The following IL15 variants were observed in gnomAD, a reference collection of about 807,000 sequenced individuals.
IL15 encodes interleukin-15.
In IL15, 11 loss-of-function variants were observed where a neutral mutation model predicts 19.6. The observed-to-expected ratio is 0.56, with a 90% CI of 0.35 to 0.93. IL15 has a LOEUF of 0.93. Ranked by LOEUF, IL15 falls within the 40% of genes least tolerant of loss-of-function variation. IL15 has a pLI of 0.01. For missense variants in IL15, 197 were observed against 186.5 expected (o/e 1.06, Z -0.33); for synonymous variants, 58 against 59.6 (o/e 0.97, Z 0.12).
intron 1 of IL15, among the ~76,000 whole-genome samples, chr4:141,653,314 A>C (rs1167373660): frequency 6.6e-6 from 1 of 152,036 alleles, no homozygotes; most frequent in Non-Finnish European, 1.5e-5. Flanking sequence ...TTTTTCCCAA[A>C]TTTTCTTCAT....
intron 5 of IL15, among the ~76,000 whole-genome samples, chr4:141,725,509 G>A (rs1270112701): frequency 1.3e-5 from 2 of 152,264 alleles, no homozygotes; most frequent in African/African-American, 2.4e-5. Context: ...CCTGATTTCA[G>A]ACCTCTAGCC....
In IL15 at chr4:141,680,641, G is replaced by T. The variant is rs576121467; in HGVS notation, c.-100+24334G>T. ...TGTGCTTGCCTTTTGTATTTGGCAA[G>T]TGCAGCTCTGAGTTAAAACAAACAC... On this transcript the variant is annotated intron_variant, in intron 2 of 7. Coordinates refer to ENST00000320650, the MANE Select transcript of IL15 (RefSeq NM_000585.5). Among the ~76,000 whole-genome samples, 5 of 152,316 alleles carry T rather than the reference G, an allele frequency of 3.3e-5. No homozygotes were observed. In the South Asian group the frequency reaches 8.3e-4, roughly 25 times the overall value.
At chr4:141,716,602 C>T (rs992772222) in intron 2 of IL15, 1 of 152,312 alleles carries the variant, frequency 6.6e-6, no homozygotes, top group Admixed American at 6.5e-5. Context: ...GGTAGAACCA[C>T]CACAGAGAGC....
intron 1 of IL15, among the ~76,000 whole-genome samples, chr4:141,638,749 C>T (rs542052230): frequency 1.3e-5 from 2 of 152,248 alleles, no homozygotes; most frequent in Non-Finnish European, 2.9e-5. Context: ...GATTTGCTGC[C>T]TCTGATGAAT....
Position 141,733,105 on chromosome 4 carries a change from G to A in IL15, c.*257G>A. ...TATTATTGAAATTGTACATATTTGT[G>A]GAATAATGTAAAATGTTGAATAAAA... On this transcript the variant is annotated 3_prime_UTR_variant, in exon 8 of 8. Coordinates refer to ENST00000320650, the MANE Select transcript of IL15 (RefSeq NM_000585.5). The A allele has an allele frequency of 3.1e-6, 1 of 321,968 alleles. No homozygotes were observed. The highest frequency in any genetic ancestry group is 7.2e-5 in the East Asian group (1 of 13,952). The allele number at this position is 321,968 out of a possible 1,614,324, so 19.9% of individuals were successfully genotyped here. A position where few individuals can be genotyped will look rare whatever the true frequency, so the allele number is the denominator to read the frequency against.
chr4:141,720,708 CAGAGATTT>C, intron 4 of IL15, 142 bp downstream of exon 4: 1 of 668,022 alleles, frequency 1.5e-6, no homozygotes, highest in Non-Finnish European at 2.7e-6. Context: ...AGGCAGACTA[CAGAGATTT>C]AGAGAGGTTT....
chr4:141,656,436 T>A, intron 2 of IL15, 129 bp downstream of exon 2: 1 of 392,182 alleles, frequency 2.5e-6, no homozygotes, highest in Non-Finnish European at 4.5e-6. Flanking sequence ...ATGAGCATCT[T>A]GGTTTAAAAA....
rs190989816 is a variant in IL15, at chr4:141,664,156, G to A, written c.-100+7849G>A. Among the ~76,000 whole-genome samples, 152 of 152,158 alleles carry A rather than the reference G, an allele frequency of 1.0e-3. 1 individual carries two copies. Among genetic ancestry groups the A allele is most frequent in the African/African-American group, 3.3e-3 (136 of 41,510 alleles). On this transcript the variant is annotated intron_variant, in intron 2 of 7. Transcript: ENST00000320650. ...TTTAGCCAACAAAGCAGATACAAGA[G>A]ACAAATGAAGTCTTAAGCTCTAAGA...
intron 5 of IL15, among the ~76,000 whole-genome samples, chr4:141,724,506 A>G (rs113321807): frequency 6.6e-6 from 1 of 150,464 alleles, no homozygotes; most frequent in Non-Finnish European, 1.5e-5. Context: ...CAAGAAAACA[A>G]TAGAAAAAAT....
chr4:141,694,581 A>G (rs1729030667), intron 2 of IL15, among the ~76,000 whole-genome samples: 1 of 152,170 alleles, frequency 6.6e-6, no homozygotes, highest in East Asian at 1.9e-4. Context: ...AATAGAAATA[A>G]CTGGAGAAGC....
chr4:141,721,759 T>A (rs1730089291), intron 4 of IL15, 165 bp from the exon 5 acceptor site: 1 of 650,504 alleles, frequency 1.5e-6, no homozygotes, highest in Non-Finnish European at 2.6e-6. Flanking sequence ...TACTATATGC[T>A]CAATGTTTAT....
chr4:141,673,362 A>G (rs1335584908), intron 2 of IL15, among the ~76,000 whole-genome samples: 1 of 152,176 alleles, frequency 6.6e-6, no homozygotes, highest in Non-Finnish European at 1.5e-5. Context: ...ATGGTTCTTT[A>G]TATGATCAAG....
intron 4 of IL15, chr4:141,720,847 T>C: frequency 1.8e-6 from 1 of 542,244 alleles, no homozygotes; most frequent in South Asian, 2.4e-5. Context: ...CACTTATTGA[T>C]AGACTACATA....
At chr4:141,696,066 T>C (rs1043272071) in intron 2 of IL15, among the ~76,000 whole-genome samples, 3 of 152,134 alleles carry the variant, frequency 2.0e-5, no homozygotes, top group African/African-American at 7.2e-5. Context: ...TTTCTTCTGG[T>C]AGTTTCACAG....
At chr4:141,692,293 T>C (rs1262290605) in intron 2 of IL15, among the ~76,000 whole-genome samples, 7 of 152,230 alleles carry the variant, frequency 4.6e-5, no homozygotes, top group Non-Finnish European at 2.9e-5. Context: ...GTAATGGGTG[T>C]GGCTGCCTTG....
intron 2 of IL15, among the ~76,000 whole-genome samples, chr4:141,674,939 T>C (rs546081766): frequency 7.9e-6 from 1 of 126,558 alleles, no homozygotes; most frequent in Non-Finnish European, 1.8e-5. Flanking sequence ...GGTGTTCTAC[T>C]TGGGGTCTCT....
chr4:141,665,296 A>G (rs1455690619), intron 2 of IL15, among the ~76,000 whole-genome samples: 2 of 152,244 alleles, frequency 1.3e-5, no homozygotes, highest in African/African-American at 4.8e-5. Context: ...AATCATATCA[A>G]TTTTAAGGAA....
intron 1 of IL15, among the ~76,000 whole-genome samples, chr4:141,641,477 G>A (rs562310589): frequency 7.9e-5 from 12 of 152,248 alleles, no homozygotes; most frequent in Middle Eastern, 3.4e-3. Context: ...TTAAGAAAAT[G>A]TGGCACATAT....
intron 1 of IL15, among the ~76,000 whole-genome samples, chr4:141,642,126 A>G (rs1002375279): frequency 1.3e-5 from 2 of 152,198 alleles, no homozygotes; most frequent in Non-Finnish European, 2.9e-5. Flanking sequence ...TGTCTCTTAT[A>G]TCAACTTTTC....
Sources: gnomAD v4.1 joint callset for allele counts (sites outside exome capture counted in the v4.1 genomes callset) on GRCh38, gnomAD v4.1.1 for gene constraint, MANE v1.5 for transcripts, NCBI Gene and HGNC (gene_info 2026-07-23, HGNC 2026-07-21) for gene names.